The following DYRK1B variants were observed in gnomAD, a reference collection of about 807,000 sequenced individuals.
The protein encoded by DYRK1B is dual specificity tyrosine phosphorylation regulated kinase 1B, also known as dual specificity tyrosine-phosphorylation-regulated kinase 1B.
A neutral mutation model predicts 57.1 loss-of-function variants in DYRK1B; 20 were observed. The ratio of observed to expected loss-of-function variants is 0.35; its 90% confidence interval spans 0.25 to 0.51. The LOEUF (loss-of-function observed/expected upper bound fraction) is 0.51. Ranked by LOEUF, DYRK1B falls within the 20% of genes least tolerant of loss-of-function variation. The pLI, the probability that DYRK1B is intolerant of heterozygous loss-of-function variation, is 0.96. For synonymous variants in DYRK1B, 409 were observed against 384.7 expected (o/e 1.06, Z -0.74); for missense variants, 732 against 886.3 (o/e 0.83, Z 2.21).
At position 39,830,152 on chromosome 19, in the gene DYRK1B, C is replaced by T. The variant is rs532163352; in HGVS notation, c.373-125G>A. 14 of 1,289,534 alleles carry T rather than the reference C, an allele frequency of 1.1e-5. No homozygotes were observed. The African/African-American group carries it at 2.1e-4, about 19-fold the overall frequency. The allele number at this position is 1,289,534 out of a possible 1,614,324, so 79.9% of individuals were successfully genotyped here. ...TGCATACTTCGCAGCTGAGTGCGCA[C>T]CATTAGTCAGGCGCTGGTGTAAACA... is the stretch of plus-strand genomic sequence containing the variant. On this transcript the variant is annotated intron_variant, in intron 4 of 10. Coordinates refer to ENST00000323039, the MANE Select transcript of DYRK1B (RefSeq NM_004714.3).
Position 39,826,903 on chromosome 19 carries a change from G to T in DYRK1B, c.1180C>A (p.Pro394Thr). ...GGPGGRRAGE[P>T]GHSPADYLRF... Reference sequence around the variant, plus strand: ...AGGTAGTCGGCGGGGCTGTGGCCCGGCTCCCCCGCCCGCCGGCCCCCGGGC... The same window carrying T: ...AGGTAGTCGGCGGGGCTGTGGCCCGTCTCCCCCGCCCGCCGGCCCCCGGGC... Residue 394 changes from proline to threonine, a missense_variant, in exon 9 of 11, where the codon CCG (proline) becomes ACG (threonine). Transcript: ENST00000323039. The surrounding 1 kb of genome is among the most constrained non-coding windows in gnomAD (Gnocchi z 6.3). The T allele has an allele frequency of 7.1e-7, 1 of 1,405,378 alleles. No individual in the cohort carries two copies. Among genetic ancestry groups the T allele is most frequent in the Non-Finnish European group, 9.2e-7 (1 of 1,089,600 alleles). 87.1% of individuals were successfully genotyped at this position (1,405,378 alleles called of 1,614,324 possible).
chr19:39,827,014 G>GC, intron 8 of DYRK1B, 27 bp from the exon 9 acceptor site: 111 of 419,524 alleles, frequency 2.6e-4, no homozygotes, highest in Non-Finnish European at 4.4e-4. Context: ...GGGAGGGGGG[G>GC]CAAGAGAGTG....
rs1968624718 is a variant in DYRK1B at position 39,828,101 on chromosome 19, A to G, written c.807+196T>C. On this transcript the variant is annotated intron_variant, in intron 6 of 10. Transcript: ENST00000323039. This position sits in a 1 kb window ranked among gnomAD's most constrained non-coding sequence, Gnocchi z 4.3. ...ACCCTGTTCACATCTGGCAGCTTCA[A>G]AATGGGCCCTGCCCCTCAGGCTTCA... 6.6e-6 allele frequency among the ~76,000 whole-genome samples: 1 copy of G among 152,134 alleles called. No individual in the cohort carries two copies. The highest frequency in any genetic ancestry group is 6.5e-5 in the Admixed American group (1 of 15,274).
Position 39,825,615 on chromosome 19 carries a change from A to C in DYRK1B, c.*100T>G. 7 of 1,289,892 alleles carry C rather than the reference A, an allele frequency of 5.4e-6. No individual in the cohort carries two copies. Among genetic ancestry groups the C allele is most frequent in the African/African-American group, 1.5e-5 (1 of 68,518 alleles). The allele number at this position is 1,289,892 out of a possible 1,614,324, so 79.9% of individuals were successfully genotyped here. A position where few individuals can be genotyped will look rare whatever the true frequency, so the allele number is the denominator to read the frequency against. ...CAGGCCTCACCCACCCCAGCTGGGT[A>C]GCAGCAATTCCAGTCAAGGAGAGAG... is the stretch of plus-strand genomic sequence containing the variant. On this transcript the variant is annotated 3_prime_UTR_variant, in exon 11 of 11. Coordinates refer to ENST00000323039, the MANE Select transcript of DYRK1B (RefSeq NM_004714.3).
chr19:39,829,314 C>A (rs1415008030), intron 5 of DYRK1B, among the ~76,000 whole-genome samples: 2 of 151,714 alleles, frequency 1.3e-5, no homozygotes, highest in African/African-American at 2.4e-5. Flanking sequence ...GTAACCTCCG[C>A]CTCCCAGGTT....
chr19:39,828,237 CCG>C lies in DYRK1B; in HGVS notation c.807+58_807+59del. 6.4e-7 allele frequency: 1 copy of C among 1,571,688 alleles called. No homozygotes were observed. The highest frequency in any genetic ancestry group is 8.7e-7 in the Non-Finnish European group (1 of 1,155,022). ...CAGCCAAGCCCCGCCCCTAAGCCTC[CCG>C]TTGGCTCTGCCCCACCCAAACTACT... On this transcript the variant is annotated intron_variant, in intron 6 of 10. Transcript: ENST00000323039. This position sits in a 1 kb window ranked among gnomAD's most constrained non-coding sequence, Gnocchi z 4.3.
In DYRK1B at chr19:39,828,615, A is replaced by C; in HGVS notation, c.521-32T>G. ...GGGAGGGGAGGAAATGGGCCAGAGA[A>C]GAAACGGCTCAGAGAGGGCAGGTGG... is the stretch of plus-strand genomic sequence containing the variant. On this transcript the variant is annotated intron_variant, in intron 5 of 10. Transcript: ENST00000323039. This position sits in a 1 kb window ranked among gnomAD's most constrained non-coding sequence, Gnocchi z 4.3. 1 of 1,588,744 alleles carries C rather than the reference A, an allele frequency of 6.3e-7. No individual in the cohort carries two copies. The highest frequency in any genetic ancestry group is 8.6e-7 in the Non-Finnish European group (1 of 1,163,092).
Position 39,827,311 on chromosome 19 carries a change from G to A in DYRK1B, c.1069C>T (p.Leu357=). Residue 357 remains leucine (L), a synonymous_variant, in exon 8 of 11, where the codon CTA becomes TTA. Transcript: ENST00000323039. ...FERLPGGGWT[L]RRTKELRKDY... ...TTCCTGAGTTCTTTCGTCCTTCGTA[G>A]GGTCCAGCCACCCCCAGGCAGCCGT... 6.2e-7 allele frequency: 1 copy of A among 1,613,132 alleles called. No individual in the cohort carries two copies.
In DYRK1B at chr19:39,828,282, C is replaced by A. The variant is rs1392697596; in HGVS notation, c.807+15G>T. The stretch of plus-strand genomic sequence containing the variant: ...AAACTACTAGCCGTGCTCCCAGGAC[C>A]GGGCCGCCCCCTACCCTCTGGCCAA... On this transcript the variant is annotated intron_variant, in intron 6 of 10. Transcript: ENST00000323039. This position sits in a 1 kb window ranked among gnomAD's most constrained non-coding sequence, Gnocchi z 4.3. The A allele has an allele frequency of 7.4e-6, 12 of 1,612,360 alleles. No individual in the cohort carries two copies. The highest frequency in any genetic ancestry group is 7.6e-6 in the Non-Finnish European group (9 of 1,179,344).
chr19:39,833,773 G>A (rs923182206), intron 1 of DYRK1B: 2 of 152,324 alleles, frequency 1.3e-5, no homozygotes, highest in African/African-American at 2.4e-5. Context: ...GCGGAGCTGA[G>A]CCCAAACAAA....
Position 39,826,889 on chromosome 19 carries a change from G to T in DYRK1B, c.1194C>A (p.Pro398=). The T allele has an allele frequency of 7.0e-7, 1 of 1,423,058 alleles. No homozygotes were observed. The highest frequency in any genetic ancestry group is 9.1e-7 in the Non-Finnish European group (1 of 1,097,270). 88.2% of individuals were successfully genotyped at this position (1,423,058 alleles called of 1,614,324 possible). ...GRRAGEPGHS[P]ADYLRFQDLV... is the part of the protein sequence containing the mutation. Reference sequence around the variant, plus strand: ...GGTCCTGGAAGCGGAGGTAGTCGGCGGGGCTGTGGCCCGGCTCCCCCGCCC... The same window carrying T: ...GGTCCTGGAAGCGGAGGTAGTCGGCTGGGCTGTGGCCCGGCTCCCCCGCCC... Residue 398 remains proline, a synonymous_variant, in exon 9 of 11, where the codon CCC becomes CCA. Coordinates refer to ENST00000323039, the MANE Select transcript of DYRK1B (RefSeq NM_004714.3). This position sits in a 1 kb window ranked among gnomAD's most constrained non-coding sequence, Gnocchi z 6.3.
chr19:39,827,465 G>C (rs1459634165), intron 7 of DYRK1B, 40 bp from the exon 8 acceptor site: 1 of 1,609,644 alleles, frequency 6.2e-7, no homozygotes, highest in Non-Finnish European at 8.5e-7. Flanking sequence ...GGCCAGCCAG[G>C]CTCCACCCCC....
rs1434930498 is a variant in DYRK1B, at chr19:39,827,407, T to G, written c.973A>C (p.Ile325Leu). Residue 325 changes from isoleucine (I) to leucine (L), a missense_variant, in exon 8 of 11, where the codon ATT (isoleucine) becomes CTT (leucine). Coordinates refer to ENST00000323039, the MANE Select transcript of DYRK1B (RefSeq NM_004714.3). ...GGTGGGATGCCCAGCACCTCCACAA[T>G]GCGGTTCATCTGGTCGACCTGTGAG... ...GSNEVDQMNR[I>L]VEVLGIPPAA... 1 of 1,612,926 alleles carries G rather than the reference T, an allele frequency of 6.2e-7. No homozygotes were observed. The highest frequency in any genetic ancestry group is 1.7e-5 in the Admixed American group (1 of 59,990).
At position 39,829,953 on chromosome 19, in the gene DYRK1B, C is replaced by T; in HGVS notation, c.447G>A (p.Leu149=). The T allele has an allele frequency of 6.2e-7, 1 of 1,614,138 alleles. No individual in the cohort carries two copies. Among genetic ancestry groups the T allele is most frequent in the Non-Finnish European group, 8.5e-7 (1 of 1,180,032 alleles). Residue 149 remains leucine, a synonymous_variant, in exon 5 of 11, where the codon CTG becomes CTA. Coordinates refer to ENST00000323039, the MANE Select transcript of DYRK1B (RefSeq NM_004714.3). ...IKIIKNKKAF[L]NQAQIELRLL... ...GCCGCAGCTCAATCTGGGCCTGGTT[C>T]AGGAAAGCCTTTTTGTTCTTGATGA...
intron 7 of DYRK1B, 36 bp downstream of exon 7, chr19:39,827,465 GCTCCACCCC>G: frequency 1.2e-6 from 2 of 1,609,644 alleles, no homozygotes; most frequent in Non-Finnish European, 1.7e-6. Context: ...GGCCAGCCAG[GCTCCACCCC>G]CTCCACCTCC....
intron 5 of DYRK1B, among the ~76,000 whole-genome samples, chr19:39,829,431 G>T (rs1301346253): frequency 6.6e-6 from 1 of 152,124 alleles, no homozygotes; most frequent in African/African-American, 2.4e-5. Context: ...GTTTCACCAT[G>T]TTGGCCAGGA....
In DYRK1B at chr19:39,825,596, T is replaced by C. The variant is rs1968489213; in HGVS notation, c.*119A>G. 1.7e-6 allele frequency: 2 copies of C among 1,149,966 alleles called. No homozygotes were observed. Among genetic ancestry groups the C allele is most frequent in the East Asian group, 2.5e-5 (1 of 39,218 alleles). The allele number at this position is 1,149,966 out of a possible 1,614,324, so 71.2% of individuals were successfully genotyped here. ...CCCCAGGCCCCAATCAGTGCAGGCC[T>C]CACCCACCCCAGCTGGGTAGCAGCA... On this transcript the variant is annotated 3_prime_UTR_variant, in exon 11 of 11. Transcript: ENST00000323039.
chr19:39,830,611 CCAG>C lies in DYRK1B; in HGVS notation c.183+50_184-49del, dbSNP rs764303085. 3 of 1,613,250 alleles carry C rather than the reference CCAG, an allele frequency of 1.9e-6. No individual in the cohort carries two copies. In the Admixed American group the frequency reaches 5.0e-5, roughly 27 times the overall value. ...GATGGGGACTGGTGAGTGACTCATGCCAGCAGACAAGACCCTCGGCACCCAGCC... is the reference window on the plus strand; with the variant it reads ...GATGGGGACTGGTGAGTGACTCATGCCAGACAAGACCCTCGGCACCCAGCC... On this transcript the variant is annotated intron_variant, in intron 3 of 10. Coordinates refer to ENST00000323039, the MANE Select transcript of DYRK1B (RefSeq NM_004714.3).
Position 39,825,948 on chromosome 19 carries a change from G to T in DYRK1B, c.1657C>A (p.Pro553Thr), listed in dbSNP as rs1450309076. 2.6e-6 allele frequency: 4 copies of T among 1,532,986 alleles called. No homozygotes were observed. Among genetic ancestry groups the T allele is most frequent in the African/African-American group, 2.8e-5 (2 of 72,246 alleles). The allele number at this position is 1,532,986 out of a possible 1,614,324, so 95.0% of individuals were successfully genotyped here. ...PPQPRYLGRP[P>T]SPTSPPPPEL... The stretch of plus-strand genomic sequence containing the variant: ...GGGGGTGGTGGTGAGGTTGGTGATG[G>T]GGGACGACCAAGGTATCGGGGCTGG... Residue 553 changes from proline to threonine, a missense_variant, in exon 11 of 11, where the codon CCA becomes ACA. Coordinates refer to ENST00000323039, the MANE Select transcript of DYRK1B (RefSeq NM_004714.3).
Sources: gnomAD v4.1 joint callset for allele counts (sites outside exome capture counted in the v4.1 genomes callset) on GRCh38, gnomAD v4.1.1 for gene constraint, Gnocchi (gnomAD v3.1) non-coding constraint, MANE v1.5 for transcripts, NCBI Gene and HGNC (gene_info 2026-07-23, HGNC 2026-07-21) for gene names.